USP53: variants seen among roughly 807,000 people sequenced by gnomAD.
USP53 encodes the protein ubiquitin specific peptidase 53, also known as ubiquitin carboxyl-terminal hydrolase 53.
A neutral mutation model predicts 94.9 loss-of-function variants in USP53; 71 were observed. The ratio of observed to expected loss-of-function variants is 0.75; its 90% CI spans 0.62 to 0.91. The LOEUF (loss-of-function observed/expected upper bound fraction) is 0.91, where lower values mean the gene tolerates loss of function less well. USP53 is among the 40% of genes least tolerant of loss of function. The probability of loss-of-function intolerance (pLI) is 0.00; values close to 1 mark genes in which losing one functional copy is unlikely to be tolerated. For synonymous variants in USP53, 375 were observed against 422.7 expected (o/e 0.89, Z 1.39); for missense variants, 1,173 against 1,281.0 (o/e 0.92, Z 1.29).
intron 17 of USP53, among the ~76,000 whole-genome samples, chr4:119,287,902 T>C (rs1170273071): frequency 1.3e-5 from 2 of 152,322 alleles, no homozygotes; most frequent in South Asian, 4.1e-4. Flanking sequence ...TTACCAGATA[T>C]ATAGAATATA....
chr4:119,227,300 A>ACACACACACACACACACACACACAC (rs1442892298), intron 3 of USP53, among the ~76,000 whole-genome samples: 45 of 43,938 alleles, frequency 1.0e-3, no homozygotes, highest in African/African-American at 3.1e-3. Flanking sequence ...CACACACACA[A>ACACACACACACACACACACACACAC]ACTTGAAATG....
chr4:119,279,454 C>T (rs1467118232), intron 17 of USP53, among the ~76,000 whole-genome samples: 37 of 144,130 alleles, frequency 2.6e-4, no homozygotes, highest in Middle Eastern at 3.7e-3. Context: ...GGCAGTCTGC[C>T]GGTTCTCAGA....
chr4:119,237,020 T>A (rs1746856267), intron 4 of USP53, among the ~76,000 whole-genome samples: 1 of 152,208 alleles, frequency 6.6e-6, no homozygotes, highest in South Asian at 2.1e-4. Flanking sequence ...AAATTACTCC[T>A]TGATTCATGA....
chr4:119,246,367 G>C (rs1748240681), intron 6 of USP53, among the ~76,000 whole-genome samples: 1 of 152,182 alleles, frequency 6.6e-6, no homozygotes, highest in South Asian at 2.1e-4. Context: ...GAGGAAGCCA[G>C]GTGGCCATGC....
chr4:119,260,371 C>T lies in USP53; in HGVS notation c.676-136C>T, dbSNP rs1477295511. 20 of 569,868 alleles carry T rather than the reference C, an allele frequency of 3.5e-5. No homozygotes were observed. The East Asian group carries it at 6.4e-4, about 18-fold the overall frequency. The allele number at this position is 569,868 out of a possible 1,614,324, so 35.3% of individuals were successfully genotyped here. On this transcript the variant is annotated intron_variant, in intron 10 of 18. Transcript: ENST00000692078. ...TTTAATCAATAATTAAGACAAACAG[C>T]TTGTTAGAAGTCAATTTTTAGTATA...
intron 2 of USP53, among the ~76,000 whole-genome samples, chr4:119,216,350 C>T (rs2149253003): frequency 6.6e-6 from 1 of 150,582 alleles, no homozygotes; most frequent in Admixed American, 6.6e-5. Flanking sequence ...CGTTGCTCTA[C>T]ATCCTGGGCG....
intron 17 of USP53, 116 bp downstream of exon 17, chr4:119,273,824 T>A: frequency 1.3e-6 from 1 of 775,148 alleles, no homozygotes; most frequent in African/African-American, 1.8e-5. Context: ...TATTTTTAAA[T>A]AACCCTAAAA....
At chr4:119,287,093 G>A (rs1185415332) in intron 17 of USP53, among the ~76,000 whole-genome samples, 1 of 151,998 alleles carries the variant, frequency 6.6e-6, no homozygotes, top group Non-Finnish European at 1.5e-5. Flanking sequence ...GATGGGCAGG[G>A]TGGAGGTGAC....
At chr4:119,249,660 A>ATTT (rs142005756) in intron 7 of USP53, among the ~76,000 whole-genome samples, 6 of 99,738 alleles carry the variant, frequency 6.0e-5, no homozygotes, top group African/African-American at 1.2e-4. Context: ...TTTATGTCCT[A>ATTT]TTTTTTTTTT....
Position 119,292,460 on chromosome 4 carries a change from A to G in USP53, c.2471A>G (p.Glu824Gly). ...SDEQKLEKPNECKFSEWLNIE... is the reference protein window; with the variant it reads ...SDEQKLEKPNGCKFSEWLNIE... ...GAACAGAAACTTGAAAAACCGAATG[A>G]ATGCAAATTTTCTGAGTGGCTTAAT... is the stretch of plus-strand genomic sequence containing the variant. The change falls in exon 19 of 19, where the codon GAA becomes GGA. Residue 824 changes from glutamate to glycine, a missense_variant. Transcript: ENST00000692078. 1 of 1,614,002 alleles carries G rather than the reference A, an allele frequency of 6.2e-7. No individual in the cohort carries two copies. The highest frequency in any genetic ancestry group is 8.5e-7 in the Non-Finnish European group (1 of 1,179,926).
intron 5 of USP53, among the ~76,000 whole-genome samples, chr4:119,244,277 A>G (rs754366165): frequency 6.6e-6 from 1 of 152,250 alleles, no homozygotes; most frequent in Non-Finnish European, 1.5e-5. Flanking sequence ...CCTATTCATT[A>G]TGCTTTAATA....
In USP53 at chr4:119,294,804, A is replaced by G. The variant is rs978666283; in HGVS notation, c.*1593A>G. On this transcript the variant is annotated 3_prime_UTR_variant, in exon 19 of 19. Coordinates refer to ENST00000692078, the MANE Select transcript of USP53 (RefSeq NM_001371395.1). ...TAGTTTTTACTAGCCTTTTTAAACT[A>G]TAATAGTGAGTGATCATTACTTTAT... 1 of 152,148 alleles carries G rather than the reference A, an allele frequency of 6.6e-6. No homozygotes were observed. The highest frequency in any genetic ancestry group is 2.4e-5 in the African/African-American group (1 of 41,464). 9.4% of individuals were successfully genotyped at this position (152,148 alleles called of 1,614,324 possible). A position where few individuals can be genotyped will look rare whatever the true frequency, so the allele number is the denominator to read the frequency against.
chr4:119,256,507 T>C lies in USP53; in HGVS notation c.553T>C (p.Ser185Pro). The change falls in exon 9 of 19, where the codon TCT (serine) becomes CCT (proline). Residue 185 changes from serine (S) to proline (P), a missense_variant. Ser to Pro is a moderately conservative substitution (Grantham distance 74). Transcript: ENST00000692078. ...LPFTEFVRYI[S>P]TTALCNEVER... ...TTTTACAGAATTTGTGCGGTACATT[T>C]CTACAACAGCCTTATGGTAAGAACC... The C allele has an allele frequency of 6.2e-7, 1 of 1,614,138 alleles. No homozygotes were observed. Among genetic ancestry groups the C allele is most frequent in the Non-Finnish European group, 8.5e-7 (1 of 1,179,996 alleles).
chr4:119,236,756 G>A (rs1232678305), intron 4 of USP53, among the ~76,000 whole-genome samples: 1 of 152,126 alleles, frequency 6.6e-6, no homozygotes, highest in East Asian at 1.9e-4. Flanking sequence ...TTTACATCCA[G>A]TTACTTTCTC....
At chr4:119,264,710 C>G (rs886148066) in intron 12 of USP53, among the ~76,000 whole-genome samples, 1 of 152,230 alleles carries the variant, frequency 6.6e-6, no homozygotes, top group African/African-American at 2.4e-5. Context: ...CTGGATCTCT[C>G]ACACAAGGTT....
At chr4:119,214,419 T>C (rs1204023345) in intron 2 of USP53, among the ~76,000 whole-genome samples, 197 bp downstream of exon 2, 2 of 152,090 alleles carry the variant, frequency 1.3e-5, no homozygotes, top group East Asian at 3.8e-4. Context: ...AAAAAGAGAC[T>C]AAGAACTGGC....
chr4:119,246,945 G>T (rs1317017468), intron 6 of USP53, among the ~76,000 whole-genome samples: 2 of 149,900 alleles, frequency 1.3e-5, no homozygotes. Flanking sequence ...TAGACACACA[G>T]AATTTTTTTT....
At chr4:119,269,589 C>G in intron 14 of USP53, 102 bp from the exon 15 acceptor site, 3 of 803,278 alleles carry the variant, frequency 3.7e-6, no homozygotes, top group Non-Finnish European at 5.1e-6. Flanking sequence ...TATCTATGCT[C>G]TTTTTAAATA....
intron 4 of USP53, among the ~76,000 whole-genome samples, chr4:119,237,376 A>C (rs894491932): frequency 6.6e-6 from 1 of 152,108 alleles, no homozygotes; most frequent in Admixed American, 6.6e-5. Flanking sequence ...CTGTGGCCAG[A>C]AAGGTGGCCG....
Sources: allele counts gnomAD v4.1 joint callset (sites outside exome capture counted in the v4.1 genomes callset), GRCh38; gene constraint gnomAD v4.1.1; transcripts MANE v1.5; gene names NCBI Gene and HGNC (gene_info 2026-07-23, HGNC 2026-07-21).